The following METTL6 variants were observed in gnomAD, a reference collection of about 807,000 sequenced individuals.
METTL6 encodes tRNA N(3)-cytidine methyltransferase METTL6.
METTL6 carries 22 observed loss-of-function variants against 26.4 expected under a neutral mutation model. The observed-to-expected ratio is 0.83, with a 90% CI of 0.59 to 1.19. The LOEUF (loss-of-function observed/expected upper bound fraction) is 1.19, where lower values mean the gene tolerates loss of function less well. Ranked by LOEUF, METTL6 falls within the 50% of genes most tolerant of loss-of-function variation. The probability of loss-of-function intolerance (pLI) is 0.00; values close to 1 mark genes in which losing one functional copy is unlikely to be tolerated. For missense variants in METTL6, 304 were observed against 324.8 expected (o/e 0.94, Z 0.49); for synonymous variants, 109 against 116.2 (o/e 0.94, Z 0.40).
At chr3:15,425,326 C>T (rs1470999125) in intron 2 of METTL6, among the ~76,000 whole-genome samples, 1 of 152,166 alleles carries the variant, frequency 6.6e-6, no homozygotes, top group Non-Finnish European at 1.5e-5. Flanking sequence ...ACTGCCAGCA[C>T]CCAAATCTCA....
At chr3:15,409,226 C>G (rs184988357), downstream of METTL6, among the ~76,000 whole-genome samples, 29 of 152,302 alleles carry the variant, frequency 1.9e-4, no homozygotes, top group African/African-American at 6.7e-4. Flanking sequence ...CCAACCCCTT[C>G]ACACTGGGAC....
downstream of METTL6, among the ~76,000 whole-genome samples, chr3:15,406,260 C>T (rs1699780873): frequency 6.6e-6 from 1 of 151,908 alleles, no homozygotes; most frequent in South Asian, 2.1e-4. Context: ...ACTAAACCAA[C>T]CATGGTCTTG....
rs1295083096 is a variant in METTL6 at position 15,388,684 on chromosome 3, A to AT, written c.*12-4498dup. ...CCAAAATCTTGTAGCATCCAGCTGTATGACTCCTAAACCATAATTTCTAAT... is the reference window on the plus strand; with the variant it reads ...CCAAAATCTTGTAGCATCCAGCTGTATTGACTCCTAAACCATAATTTCTAAT... On this transcript the variant is annotated intron_variant, in intron 6 of 6. Coordinates refer to the METTL6 transcript ENST00000443029. Among the ~76,000 whole-genome samples the AT allele has an allele frequency of 3.9e-5, 6 of 152,352 alleles. No homozygotes were observed. The South Asian group carries it at 6.2e-4, about 16-fold the overall frequency.
chr3:15,389,500 T>C (rs1236038420), intron 6 of METTL6, among the ~76,000 whole-genome samples: 6 of 152,306 alleles, frequency 3.9e-5, no homozygotes, highest in African/African-American at 1.4e-4. Flanking sequence ...GGGAGCCATA[T>C]ATTGGGGTGA....
intron 6 of METTL6, chr3:15,399,330 T>C (rs1699575560): frequency 1.3e-5 from 2 of 151,962 alleles, no homozygotes; most frequent in South Asian, 2.1e-4. Context: ...AGAGTAGCCA[T>C]TCTTTTATTC....
intron 6 of METTL6, among the ~76,000 whole-genome samples, chr3:15,394,549 A>G (rs1420498654): frequency 6.6e-6 from 1 of 151,720 alleles, no homozygotes; most frequent in Non-Finnish European, 1.5e-5. Context: ...GCTTTTGAAT[A>G]TGTTTGCTCT....
intron 6 of METTL6, among the ~76,000 whole-genome samples, chr3:15,400,381 T>C (rs887875057): frequency 1.5e-4 from 23 of 152,196 alleles, no homozygotes; most frequent in African/African-American, 5.1e-4. Context: ...TCCATGCATA[T>C]GTGCACATAA....
chr3:15,405,958 C>T (rs550879632), downstream of METTL6, among the ~76,000 whole-genome samples: 1 of 151,944 alleles, frequency 6.6e-6, no homozygotes, highest in South Asian at 2.1e-4. Flanking sequence ...TATTCCAAAT[C>T]CTGTAATAAA....
chr3:15,419,169 AAAAT>A (rs1274460431), intron 3 of METTL6, among the ~76,000 whole-genome samples: 1 of 124,336 alleles, frequency 8.0e-6, no homozygotes, highest in African/African-American at 3.4e-5. Flanking sequence ...AAAATAAAAT[AAAAT>A]AAATCCTTGT....
At chr3:15,402,157 T>C (rs1252808117) in intron 6 of METTL6, among the ~76,000 whole-genome samples, 1 of 152,136 alleles carries the variant, frequency 6.6e-6, no homozygotes, top group African/African-American at 2.4e-5. Flanking sequence ...GCTGCCCAGA[T>C]AGAGCCAATC....
At chr3:15,397,385 C>A (rs1003681235) in intron 6 of METTL6, among the ~76,000 whole-genome samples, 1 of 152,152 alleles carries the variant, frequency 6.6e-6, no homozygotes, top group African/African-American at 2.4e-5. Flanking sequence ...CGTCCGTCAC[C>A]CCTTTCCTTG....
chr3:15,416,889 A>G (rs1337955394), intron 3 of METTL6, among the ~76,000 whole-genome samples: 2 of 152,244 alleles, frequency 1.3e-5, no homozygotes, highest in Non-Finnish European at 2.9e-5. Context: ...TTCTATTCAT[A>G]ATTCCATTTG....
At chr3:15,413,886 G>A (rs1404218283) in intron 5 of METTL6, 135 bp downstream of exon 5, 5 of 1,534,880 alleles carry the variant, frequency 3.3e-6, no homozygotes, top group East Asian at 4.9e-5. Flanking sequence ...GGTAAATATT[G>A]TGCAGTAGAG....
intron 2 of METTL6, among the ~76,000 whole-genome samples, chr3:15,425,541 C>T (rs1022564803): frequency 1.3e-5 from 2 of 152,178 alleles, no homozygotes; most frequent in Admixed American, 1.3e-4. Context: ...TCACTGAAGT[C>T]ACTTAGCATG....
At position 15,425,039 on chromosome 3, in the gene METTL6, G is replaced by A. The variant is rs557875495; in HGVS notation, c.276C>T (p.Asn92=). ...TMLEAGCGVG[N]CLFPLLEEDP... is the part of the protein sequence containing the mutation. ...CTTCTTCTAAAAGTGGGAATAAACAGTTTCCAACCCCACAGCCAGCTTCAA... is the reference window on the plus strand; with the variant it reads ...CTTCTTCTAAAAGTGGGAATAAACAATTTCCAACCCCACAGCCAGCTTCAA... Residue 92 remains asparagine (N), a synonymous_variant, in exon 3 of 6, where the codon AAC becomes AAT. Coordinates refer to ENST00000383790, the MANE Select transcript of METTL6 (RefSeq NM_152396.4). The A allele has an allele frequency of 6.2e-7, 1 of 1,614,146 alleles. No individual in the cohort carries two copies. The highest frequency in any genetic ancestry group is 1.1e-5 in the South Asian group (1 of 91,078).
chr3:15,406,301 G>A (rs936149341), downstream of METTL6, among the ~76,000 whole-genome samples: 1 of 151,540 alleles, frequency 6.6e-6, no homozygotes, highest in Non-Finnish European at 1.5e-5. Flanking sequence ...CCAAACGTGG[G>A]AGAACCTGAT....
At chr3:15,402,897 G>A (rs1699687842) in intron 6 of METTL6, among the ~76,000 whole-genome samples, 1 of 152,100 alleles carries the variant, frequency 6.6e-6, no homozygotes, top group Non-Finnish European at 1.5e-5. Context: ...AGACACTCTG[G>A]CACCAGGCAA....
rs151168009 is a variant in METTL6 at position 15,417,272 on chromosome 3, T to C, written c.361-1330A>G. ...GAGTTTGAGACCAGCCTGGCCAATA[T>C]GGTGAAACCCCATCTCTACTAAAAA... On this transcript the variant is annotated intron_variant, in intron 3 of 5. Coordinates refer to ENST00000383790, the MANE Select transcript of METTL6 (RefSeq NM_152396.4). 4.8e-3 allele frequency among the ~76,000 whole-genome samples: 726 copies of C among 152,246 alleles called. 16 individuals carry two copies. Among genetic ancestry groups the C allele is most frequent in the Admixed American group, 0.032 (482 of 15,282 alleles).
At chr3:15,398,442 T>C (rs112007033) in intron 6 of METTL6, among the ~76,000 whole-genome samples, 22,760 of 152,120 alleles carry the variant, frequency 0.15, 3,143 homozygotes, top group African/African-American at 0.37. Context: ...GATCTGCCTG[T>C]CTCAGCCTCC....
Sources: gnomAD v4.1 joint callset for allele counts (sites outside exome capture counted in the v4.1 genomes callset) on GRCh38, gnomAD v4.1.1 for gene constraint, MANE v1.5 for transcripts, NCBI Gene and HGNC (gene_info 2026-07-23, HGNC 2026-07-21) for gene names.